The following PDZRN4 variants were observed in gnomAD, a reference collection of about 807,000 sequenced individuals.
PDZRN4 encodes the protein PDZ domain containing ring finger 4, also known as PDZ domain-containing RING finger protein 4.
PDZRN4 carries 70 observed loss-of-function variants against 99.0 expected under a neutral mutation model. The observed-to-expected ratio is 0.71, with a 90% CI of 0.58 to 0.86. The LOEUF is 0.86. Among genes scored for constraint, PDZRN4 ranks in the 40% least tolerant of loss-of-function variants. The probability of loss-of-function intolerance (pLI) is 0.00; values close to 1 mark genes in which losing one functional copy is unlikely to be tolerated. For missense variants in PDZRN4, 1,474 were observed against 1,331.2 expected (o/e 1.11, Z -1.67); for synonymous variants, 551 against 501.6 (o/e 1.10, Z -1.32).
rs189590179 is a variant in PDZRN4 at position 41,200,535 on chromosome 12, G to A, written c.843+6347G>A. On this transcript the variant is annotated intron_variant, in intron 3 of 9. Coordinates refer to ENST00000402685, the MANE Select transcript of PDZRN4 (RefSeq NM_001164595.2). ...GCTAAACTCCTGAGAAGGGAAACAG[G>A]GCCACCTCTTTTTACTGTGCAGCTT... Among the ~76,000 whole-genome samples, 30 of 152,210 alleles carry A rather than the reference G, an allele frequency of 2.0e-4. No individual in the cohort carries two copies. The East Asian group carries it at 5.2e-3, about 27-fold the overall frequency.
intron 6 of PDZRN4, among the ~76,000 whole-genome samples, chr12:41,554,922 TC>T (rs1393260403): frequency 6.6e-6 from 1 of 151,500 alleles, no homozygotes; most frequent in Non-Finnish European, 1.5e-5. Flanking sequence ...ATAAGTATGG[TC>T]TTGGGCCGGA....
intron 3 of PDZRN4, among the ~76,000 whole-genome samples, chr12:41,236,067 T>C (rs1951064696): frequency 6.6e-6 from 1 of 152,192 alleles, no homozygotes; most frequent in Non-Finnish European, 1.5e-5. Flanking sequence ...CCATGTTTAC[T>C]GAGCACCTAG....
rs114464755 is a variant in PDZRN4, at chr12:41,348,011, A to C, written c.843+153823A>C. On this transcript the variant is annotated intron_variant, in intron 3 of 9. Transcript: ENST00000402685. The stretch of plus-strand genomic sequence containing the variant: ...ACACAAAGAACTAAGATGTAAAGTA[A>C]AATATGAAAAGGACCACATGAAATG... 3.1e-3 allele frequency among the ~76,000 whole-genome samples: 475 copies of C among 152,308 alleles called. 5 individuals carry two copies. Among genetic ancestry groups the C allele is most frequent in the African/African-American group, 0.011 (452 of 41,596 alleles).
chr12:41,460,812 T>G (rs1441374163), intron 3 of PDZRN4, among the ~76,000 whole-genome samples: 1 of 152,218 alleles, frequency 6.6e-6, no homozygotes, highest in Non-Finnish European at 1.5e-5. Flanking sequence ...TGCTGTAAAA[T>G]GCACATATAA....
intron 3 of PDZRN4, among the ~76,000 whole-genome samples, chr12:41,337,244 T>C (rs567746641): frequency 6.6e-6 from 1 of 152,076 alleles, no homozygotes; most frequent in Non-Finnish European, 1.5e-5. Flanking sequence ...TCCTCAGTTA[T>C]AATTGTGCAA....
intron 5 of PDZRN4, among the ~76,000 whole-genome samples, chr12:41,527,891 C>T (rs1317802056): frequency 6.6e-6 from 1 of 152,182 alleles, no homozygotes; most frequent in African/African-American, 2.4e-5. Context: ...AAATAGCCCC[C>T]AAAACACATT....
At chr12:41,337,285 A>G (rs1229064293) in intron 3 of PDZRN4, among the ~76,000 whole-genome samples, 1 of 152,106 alleles carries the variant, frequency 6.6e-6, no homozygotes. Context: ...GGGGGATTTG[A>G]GAATTTTAAA....
At chr12:41,495,822 C>G (rs919075557) in intron 3 of PDZRN4, among the ~76,000 whole-genome samples, 2 of 152,072 alleles carry the variant, frequency 1.3e-5, no homozygotes, top group African/African-American at 4.8e-5. Flanking sequence ...CTCTTTCATG[C>G]CTCAACCCTG....
At chr12:41,509,650 G>A (rs570305836) in intron 4 of PDZRN4, 161 bp from the exon 5 acceptor site, 16 of 454,876 alleles carry the variant, frequency 3.5e-5, no homozygotes, top group Non-Finnish European at 5.9e-5. Context: ...GAGGGAGAAA[G>A]AAAAGCTATT....
chr12:41,291,678 T>A (rs1951457471), intron 3 of PDZRN4, among the ~76,000 whole-genome samples: 1 of 152,154 alleles, frequency 6.6e-6, no homozygotes, highest in Non-Finnish European at 1.5e-5. Context: ...ATGTGAGTCT[T>A]GGTTTGTTCT....
chr12:41,234,682 A>G (rs1279330097), intron 3 of PDZRN4, among the ~76,000 whole-genome samples: 1 of 152,102 alleles, frequency 6.6e-6, no homozygotes, highest in African/African-American at 2.4e-5. Context: ...TAAAAACCCT[A>G]AAGGACAACG....
At chr12:41,317,048 G>GTATACA (rs374645706) in intron 3 of PDZRN4, among the ~76,000 whole-genome samples, 1,661 of 69,576 alleles carry the variant, frequency 0.024, 100 homozygotes, top group African/African-American at 0.056. Flanking sequence ...CTTACATAAA[G>GTATACA]TATATATATA....
intron 3 of PDZRN4, among the ~76,000 whole-genome samples, chr12:41,379,644 T>A (rs1565566988): frequency 6.6e-6 from 1 of 151,934 alleles, no homozygotes; most frequent in Non-Finnish European, 1.5e-5. Context: ...AATATCCATA[T>A]AGTTGAGAAT....
chr12:41,565,656 A>C (rs562535789), intron 8 of PDZRN4, among the ~76,000 whole-genome samples: 1 of 152,100 alleles, frequency 6.6e-6, no homozygotes, highest in Admixed American at 6.6e-5. Flanking sequence ...TGCTGGGGGC[A>C]GTATTGTACA....
At chr12:41,321,449 C>T (rs1211646842) in intron 3 of PDZRN4, among the ~76,000 whole-genome samples, 1 of 152,160 alleles carries the variant, frequency 6.6e-6, no homozygotes, top group African/African-American at 2.4e-5. Flanking sequence ...GAGAAATTTC[C>T]TTTGTGACAT....
At chr12:41,431,292 T>A (rs1952584075) in intron 3 of PDZRN4, among the ~76,000 whole-genome samples, 4 of 152,322 alleles carry the variant, frequency 2.6e-5, no homozygotes, top group African/African-American at 9.6e-5. Flanking sequence ...AGCAAGTTCA[T>A]CTCTTGCAAT....
At chr12:41,523,097 C>CT (rs1938519263) in intron 5 of PDZRN4, among the ~76,000 whole-genome samples, 1 of 152,064 alleles carries the variant, frequency 6.6e-6, no homozygotes, top group South Asian at 2.1e-4. Context: ...TGTGACCCCT[C>CT]TGAGCCTCGG....
chr12:41,567,930 G>A (rs1412920164), intron 9 of PDZRN4, 31 bp downstream of exon 9: 1 of 1,247,720 alleles, frequency 8.0e-7, no homozygotes, highest in Admixed American at 2.1e-5. Context: ...TACATCATTT[G>A]ATATGTTGCT....
intron 4 of PDZRN4, 56 bp from the exon 5 acceptor site, chr12:41,509,755 A>C: frequency 1.2e-6 from 1 of 810,284 alleles, no homozygotes; most frequent in South Asian, 1.6e-5. Flanking sequence ...AATCAGTTTT[A>C]ATCTGGAAAA....
Sources: allele counts gnomAD v4.1 joint callset (sites outside exome capture counted in the v4.1 genomes callset), GRCh38; gene constraint gnomAD v4.1.1; transcripts MANE v1.5; gene names NCBI Gene and HGNC (gene_info 2026-07-23, HGNC 2026-07-21).